The following MNAT1 variants were observed in gnomAD, a reference collection of about 807,000 sequenced individuals.
MNAT1 encodes MNAT1 component of CDK activating kinase.
A neutral mutation model predicts 42.0 loss-of-function variants in MNAT1; 43 were observed. That is an observed-to-expected ratio of 1.02 (90% confidence interval 0.80 to 1.32). The LOEUF (loss-of-function observed/expected upper bound fraction) is 1.32, where lower values mean the gene tolerates loss of function less well. MNAT1 is among the 40% of genes most tolerant of loss of function. MNAT1 has a pLI of 0.00. For synonymous variants in MNAT1, 118 were observed against 120.0 expected (o/e 0.98, Z 0.11); for missense variants, 306 against 350.4 (o/e 0.87, Z 1.01).
intron 1 of MNAT1, among the ~76,000 whole-genome samples, chr14:60,743,337 G>A (rs1403080576): frequency 2.6e-5 from 4 of 151,438 alleles, no homozygotes; most frequent in Non-Finnish European, 5.9e-5. Flanking sequence ...CGCCCAGGCT[G>A]GAGTACAATG....
At chr14:60,845,985 C>T (rs774507543) in intron 6 of MNAT1, among the ~76,000 whole-genome samples, 40 of 151,976 alleles carry the variant, frequency 2.6e-4, no homozygotes, top group Non-Finnish European at 5.0e-4. Context: ...TGGAATTTAC[C>T]AGTGAACCAT....
At chr14:60,963,905 A>T (rs2036638870) in intron 7 of MNAT1, among the ~76,000 whole-genome samples, 1 of 152,180 alleles carries the variant, frequency 6.6e-6, no homozygotes, top group East Asian at 1.9e-4. Context: ...CAAACATATT[A>T]TGACTGGACA....
intron 7 of MNAT1, among the ~76,000 whole-genome samples, chr14:60,886,898 C>T (rs970581734): frequency 2.6e-5 from 4 of 151,962 alleles, no homozygotes; most frequent in African/African-American, 9.7e-5. Flanking sequence ...ACTTCCAATT[C>T]TATGTTGAAT....
chr14:60,736,704 T>C (rs1481527347), intron 1 of MNAT1, among the ~76,000 whole-genome samples: 1 of 152,220 alleles, frequency 6.6e-6, no homozygotes. Context: ...TTACCGGCTC[T>C]GTGGCCTTAG....
At chr14:60,777,794 G>C (rs2031305828) in intron 1 of MNAT1, among the ~76,000 whole-genome samples, 1 of 152,040 alleles carries the variant, frequency 6.6e-6, no homozygotes, top group African/African-American at 2.4e-5. Context: ...CATAGCATTA[G>C]GAGTATCTAT....
At position 60,948,557 on chromosome 14, in the gene MNAT1, A is replaced by G. The variant is rs150882861; in HGVS notation, c.810-19672A>G. The stretch of plus-strand genomic sequence containing the variant: ...GAAAACCCTCTTTGCTTCTTTACCT[A>G]CCTGGCAAATTATCATTTTCCTTTC... On this transcript the variant is annotated intron_variant, in intron 7 of 7. Transcript: ENST00000261245. Among the ~76,000 whole-genome samples, 780 of 152,242 alleles carry G rather than the reference A, an allele frequency of 5.1e-3. 14 individuals are homozygous for G. Among genetic ancestry groups the G allele is most frequent in the African/African-American group, 0.018 (732 of 41,546 alleles).
intron 7 of MNAT1, among the ~76,000 whole-genome samples, chr14:60,888,002 T>C (rs376427321): frequency 1.0e-4 from 15 of 149,816 alleles, no homozygotes; most frequent in East Asian, 3.9e-4. Context: ...GATTCACAGC[T>C]GAATTCTACC....
At chr14:60,764,876 A>G (rs933168229) in intron 1 of MNAT1, among the ~76,000 whole-genome samples, 2 of 152,148 alleles carry the variant, frequency 1.3e-5, no homozygotes, top group African/African-American at 4.8e-5. Flanking sequence ...AATATAAAGG[A>G]TTGGAGATCT....
intron 1 of MNAT1, among the ~76,000 whole-genome samples, chr14:60,760,283 CT>C (rs964481299): frequency 2.0e-5 from 3 of 151,606 alleles, no homozygotes; most frequent in African/African-American, 7.3e-5. Context: ...GATATTGCTT[CT>C]GTTGATGGAA....
intron 1 of MNAT1, among the ~76,000 whole-genome samples, chr14:60,748,861 CGTA>C (rs764739399): frequency 8.5e-5 from 13 of 152,088 alleles, no homozygotes; most frequent in Admixed American, 1.3e-4. Context: ...AAACCAGTAT[CGTA>C]GTCATTTATT....
chr14:60,747,201 G>T (rs930558632), intron 1 of MNAT1, among the ~76,000 whole-genome samples: 5 of 151,598 alleles, frequency 3.3e-5, no homozygotes, highest in African/African-American at 1.2e-4. Context: ...AGCCAGGATG[G>T]TCTTGATCTC....
At chr14:60,798,045 AATG>A (rs761041267) in intron 2 of MNAT1, 39 bp from the exon 3 acceptor site, 1 of 931,404 alleles carries the variant, frequency 1.1e-6, no homozygotes, top group Non-Finnish European at 1.7e-6. Context: ...TATTAAAAGC[AATG>A]ATATGTAATA....
intron 1 of MNAT1, among the ~76,000 whole-genome samples, chr14:60,795,823 G>A (rs775513357): frequency 1.3e-5 from 2 of 152,130 alleles, no homozygotes; most frequent in Non-Finnish European, 2.9e-5. Context: ...GGTATATAGG[G>A]CTCTCTAAAG....
intron 7 of MNAT1, among the ~76,000 whole-genome samples, chr14:60,962,090 C>T (rs186367828): frequency 1.5e-3 from 223 of 152,222 alleles, no homozygotes; most frequent in Middle Eastern, 0.014. Context: ...CTTTGCCTTA[C>T]TCTGTCTCTT....
intron 6 of MNAT1, among the ~76,000 whole-genome samples, chr14:60,855,118 G>GA (rs1345451288): frequency 2.0e-5 from 3 of 152,164 alleles, no homozygotes; most frequent in African/African-American, 7.2e-5. Flanking sequence ...CACTGTCAGG[G>GA]AAAACCACCT....
chr14:60,927,780 G>T (rs889130889), intron 7 of MNAT1, among the ~76,000 whole-genome samples: 2 of 152,142 alleles, frequency 1.3e-5, no homozygotes, highest in Admixed American at 6.6e-5. Context: ...AGGACTGGAT[G>T]TATGTGCCTT....
At chr14:60,938,342 A>T (rs1017030137) in intron 7 of MNAT1, among the ~76,000 whole-genome samples, 5 of 152,122 alleles carry the variant, frequency 3.3e-5, no homozygotes, top group African/African-American at 7.2e-5. Context: ...TTGTCCATTC[A>T]GTATGATATT....
At chr14:60,939,618 C>A (rs539869461) in intron 7 of MNAT1, among the ~76,000 whole-genome samples, 1 of 152,196 alleles carries the variant, frequency 6.6e-6, no homozygotes, top group South Asian at 2.1e-4. Flanking sequence ...CATTTCTGCT[C>A]TTTTACATTT....
intron 7 of MNAT1, among the ~76,000 whole-genome samples, chr14:60,898,132 TGTGTGTGTGC>T (rs377586483): frequency 0.13 from 12,715 of 98,898 alleles, 747 homozygotes; most frequent in African/African-American, 0.24. Context: ...TGTGTGTGTG[TGTGTGTGTGC>T]GCGCGCCACA....
Sources: gnomAD v4.1 joint callset for allele counts (sites outside exome capture counted in the v4.1 genomes callset) on GRCh38, gnomAD v4.1.1 for gene constraint, MANE v1.5 for transcripts, NCBI Gene and HGNC (gene_info 2026-07-23, HGNC 2026-07-21) for gene names.